The following ABI1 variants were observed in gnomAD, a reference collection of about 807,000 sequenced individuals.
ABI1 encodes the protein Abelson interactor 1.
A neutral mutation model predicts 54.6 loss-of-function variants in ABI1; 14 were observed. The ratio of observed to expected loss-of-function variants is 0.26; its 90% CI spans 0.17 to 0.40. The LOEUF (loss-of-function observed/expected upper bound fraction) is 0.40. Ranked by LOEUF, ABI1 falls within the 10% of genes least tolerant of loss-of-function variation. The pLI, the probability that ABI1 is intolerant of heterozygous loss-of-function variation, is 1.00. For synonymous variants in ABI1, 194 were observed against 209.3 expected, an observed-to-expected ratio of 0.93 and a Z score of 0.63; for missense variants, 443 against 598.3, an observed-to-expected ratio of 0.74 and a Z score of 2.71.
intron 2 of ABI1, among the ~76,000 whole-genome samples, chr10:26,789,620 ATG>A (rs916281402): frequency 6.6e-6 from 1 of 151,532 alleles, no homozygotes; most frequent in African/African-American, 2.4e-5. Flanking sequence ...TTAATATTTT[ATG>A]TTTTTTTTAA....
intron 1 of ABI1, among the ~76,000 whole-genome samples, chr10:26,852,560 T>C (rs566576451): frequency 6.6e-5 from 10 of 152,340 alleles, no homozygotes; most frequent in Non-Finnish European, 1.2e-4. Context: ...CATCTTTTTC[T>C]ATATGATATA....
At chr10:26,779,364 T>C (rs898616896) in intron 2 of ABI1, among the ~76,000 whole-genome samples, 1 of 152,190 alleles carries the variant, frequency 6.6e-6, no homozygotes, top group Non-Finnish European at 1.5e-5. Flanking sequence ...ACAGCCTGAA[T>C]GATGCCTTGG....
At chr10:26,791,695 G>GA (rs781474147) in intron 2 of ABI1, among the ~76,000 whole-genome samples, 18 of 151,636 alleles carry the variant, frequency 1.2e-4, no homozygotes, top group African/African-American at 2.9e-4. Flanking sequence ...AGAGAATTCA[G>GA]AAAAAAAATC....
intron 3 of ABI1, among the ~76,000 whole-genome samples, chr10:26,772,075 A>G (rs1840762502): frequency 6.6e-6 from 1 of 152,028 alleles, no homozygotes; most frequent in African/African-American, 2.4e-5. Context: ...AAAGGAAATC[A>G]TCCAAAGGAG....
At position 26,837,022 on chromosome 10, in the gene ABI1, A is replaced by G. The variant is rs192635431; in HGVS notation, c.118-13717T>C. 4.5e-3 allele frequency among the ~76,000 whole-genome samples: 681 copies of G among 152,346 alleles called. 3 individuals are homozygous for G. Among genetic ancestry groups the G allele is most frequent in the Non-Finnish European group, 4.9e-3 (333 of 68,026 alleles). Reference sequence around the variant, plus strand: ...CTGAGGCTGTTTTCTAAACTAGTCCAGTAATTTATAGCTGGTTATGTTACT... The same window carrying G: ...CTGAGGCTGTTTTCTAAACTAGTCCGGTAATTTATAGCTGGTTATGTTACT... On this transcript the variant is annotated intron_variant, in intron 1 of 10. Transcript: ENST00000376140.
At chr10:26,848,200 CAAAAAAAAAAAAAA>C (rs149066426) in intron 1 of ABI1, among the ~76,000 whole-genome samples, 1 of 78,690 alleles carries the variant, frequency 1.3e-5, no homozygotes, top group African/African-American at 4.9e-5. Context: ...GACCCTGTCT[CAAAAAAAAAAAAAA>C]AAAAAAAAGA....
intron 1 of ABI1, among the ~76,000 whole-genome samples, chr10:26,851,692 C>G (rs1483999397): frequency 2.0e-5 from 3 of 151,352 alleles, no homozygotes; most frequent in Non-Finnish European, 4.4e-5. Context: ...ATATGACCCA[C>G]AGTTAGGACT....
intron 5 of ABI1, 88 bp from the exon 6 acceptor site, chr10:26,769,080 C>T: frequency 2.0e-6 from 2 of 978,220 alleles, no homozygotes; most frequent in East Asian, 5.7e-5. Context: ...CCTTTGTGAC[C>T]ATGTATACCA....
At position 26,748,249 on chromosome 10, in the gene ABI1, A is replaced by G; in HGVS notation, c.*321T>C. On this transcript the variant is annotated 3_prime_UTR_variant, in exon 11 of 11. Transcript: ENST00000376140. ...TAACCATGCTGCACTGAAACATGTA[A>G]TGGTACAATCTGAATCATGATTCGT... is the stretch of plus-strand genomic sequence containing the variant. 1 of 256,400 alleles carries G rather than the reference A, an allele frequency of 3.9e-6. No homozygotes were observed. The highest frequency in any genetic ancestry group is 7.5e-6 in the Non-Finnish European group (1 of 132,886). 15.9% of individuals were successfully genotyped at this position (256,400 alleles called of 1,614,324 possible).
At chr10:26,830,706 T>C (rs910513364) in intron 1 of ABI1, among the ~76,000 whole-genome samples, 2 of 152,060 alleles carry the variant, frequency 1.3e-5, no homozygotes, top group Non-Finnish European at 2.9e-5. Context: ...CACTAGAAAC[T>C]TATGAAAATT....
chr10:26,761,617 CATATATATATATAT>C (rs1164854399), intron 7 of ABI1, among the ~76,000 whole-genome samples: 5,336 of 49,864 alleles, frequency 0.11, 294 homozygotes, highest in Non-Finnish European at 0.13. Flanking sequence ...TAGTTTTTGT[CATATATATATATAT>C]ATATATATAT....
chr10:26,762,498 T>C (rs1206389778), intron 7 of ABI1, among the ~76,000 whole-genome samples: 2 of 152,172 alleles, frequency 1.3e-5, no homozygotes, highest in African/African-American at 4.8e-5. Context: ...CACTTTTTGG[T>C]CTTAGGGTCC....
intron 1 of ABI1, among the ~76,000 whole-genome samples, chr10:26,842,075 C>T (rs913410874): frequency 6.6e-6 from 1 of 152,182 alleles, no homozygotes. Flanking sequence ...CCATTTTCTC[C>T]ACACCCTCGC....
chr10:26,835,489 C>T (rs1339976424), intron 1 of ABI1, among the ~76,000 whole-genome samples: 13 of 151,888 alleles, frequency 8.6e-5, no homozygotes, highest in Non-Finnish European at 1.3e-4. Flanking sequence ...ATGGAAGGAT[C>T]ACTTAAGCCC....
chr10:26,784,746 T>C (rs1039651149), intron 2 of ABI1, among the ~76,000 whole-genome samples: 6 of 152,208 alleles, frequency 3.9e-5, no homozygotes, highest in Non-Finnish European at 1.5e-5. Flanking sequence ...TTGAAATTTG[T>C]TCCCGACTTT....
chr10:26,801,075 T>C, intron 2 of ABI1, among the ~76,000 whole-genome samples: 1 of 152,156 alleles, frequency 6.6e-6, no homozygotes, highest in South Asian at 2.1e-4. Context: ...CTGAGGAAGA[T>C]GAAGGAGACA....
chr10:26,826,669 C>T (rs1161400862), intron 1 of ABI1, among the ~76,000 whole-genome samples: 1 of 152,312 alleles, frequency 6.6e-6, no homozygotes, highest in East Asian at 1.9e-4. Context: ...TAGCAACCTT[C>T]GATAATCTTA....
At chr10:26,816,500 T>C (rs1051956747) in intron 2 of ABI1, among the ~76,000 whole-genome samples, 3 of 152,176 alleles carry the variant, frequency 2.0e-5, no homozygotes, top group Non-Finnish European at 4.4e-5. Flanking sequence ...ATCCAAAGGA[T>C]AAAATGTTGA....
intron 1 of ABI1, among the ~76,000 whole-genome samples, chr10:26,851,389 C>CTTTTTT (rs2050382481): frequency 2.7e-5 from 2 of 74,034 alleles, no homozygotes; most frequent in African/African-American, 1.1e-4. Context: ...CAGGGTCTTG[C>CTTTTTT]TTTGTTACCC....
Sources: gnomAD v4.1 joint callset for allele counts (sites outside exome capture counted in the v4.1 genomes callset) on GRCh38, gnomAD v4.1.1 for gene constraint, MANE v1.5 for transcripts, NCBI Gene and HGNC (gene_info 2026-07-23, HGNC 2026-07-21) for gene names.